NKTR: variants seen among roughly 807,000 people sequenced by gnomAD.
NKTR encodes natural killer cell triggering receptor.
A neutral mutation model predicts 156.3 loss-of-function variants in NKTR; 67 were observed. The ratio of observed to expected loss-of-function variants is 0.43; its 90% CI spans 0.35 to 0.53. NKTR has a LOEUF of 0.53. Among genes scored for constraint, NKTR ranks in the 20% least tolerant of loss-of-function variants. NKTR has a pLI of 0.01. For missense variants in NKTR, 1,604 were observed against 1,730.9 expected, an observed-to-expected ratio of 0.93 and a Z score of 1.30; for synonymous variants, 640 against 596.6, an observed-to-expected ratio of 1.07 and a Z score of -1.06.
chr3:42,638,147 A>G lies in NKTR; in HGVS notation c.2443A>G (p.Ser815Gly). The change falls in exon 13 of 17, where the codon AGT becomes GGT. Residue 815 changes from serine (S) to glycine (G), a missense_variant. Coordinates refer to ENST00000232978, the MANE Select transcript of NKTR (RefSeq NM_005385.4). The part of the protein sequence containing the change: ...LDYSSDSEQS[S>G]VQATQSAQEK... Reference sequence around the variant, plus strand: ...TTATTCTTCAGACAGTGAGCAGTCAAGTGTTCAGGCCACACAGTCAGCCCA... The same window carrying G: ...TTATTCTTCAGACAGTGAGCAGTCAGGTGTTCAGGCCACACAGTCAGCCCA... The G allele has an allele frequency of 6.2e-7, 1 of 1,613,740 alleles. No homozygotes were observed. Among genetic ancestry groups the G allele is most frequent in the Non-Finnish European group, 8.5e-7 (1 of 1,179,938 alleles).
chr3:42,628,595 G>T, intron 6 of NKTR: 4 of 985,448 alleles, frequency 4.1e-6, no homozygotes, highest in Non-Finnish European at 4.8e-6. Context: ...TGAGTCATGG[G>T]AGGAACGGAT....
At position 42,628,592 on chromosome 3, in the gene NKTR, T is replaced by C. The variant is rs570103198; in HGVS notation, c.375-1954T>C. The C allele has an allele frequency of 5.0e-3, 4,915 of 985,400 alleles. 12 individuals are homozygous for C. The highest frequency in any genetic ancestry group is 5.6e-3 in the Non-Finnish European group (4,686 of 829,886). 61.0% of individuals were successfully genotyped at this position (985,400 alleles called of 1,614,324 possible). On this transcript the variant is annotated intron_variant, in intron 6 of 16. Coordinates refer to ENST00000232978, the MANE Select transcript of NKTR (RefSeq NM_005385.4). ...CCAATACTGCAGGATCTGTGAGTCA[T>C]GGGAGGAACGGATCAAAGAAGGAGA... is the stretch of plus-strand genomic sequence containing the variant.
intron 5 of NKTR, chr3:42,620,959 G>A: frequency 1.1e-6 from 1 of 906,532 alleles, no homozygotes; most frequent in South Asian, 5.1e-5. Flanking sequence ...TAATTTTTTT[G>A]TCTTACAGTC....
At chr3:42,611,473 C>T (rs1009874156) in intron 2 of NKTR, among the ~76,000 whole-genome samples, 1 of 152,036 alleles carries the variant, frequency 6.6e-6, no homozygotes. Context: ...GGCATGGTGG[C>T]CTGTAATCCC....
chr3:42,628,145 T>C (rs1407626303), intron 6 of NKTR: 1 of 984,540 alleles, frequency 1.0e-6, no homozygotes, highest in Non-Finnish European at 1.2e-6. Flanking sequence ...ATTCTTAATA[T>C]GTAATCTAAT....
chr3:42,632,531 A>G (rs905948313), intron 8 of NKTR, 70 bp from the exon 9 acceptor site: 5 of 880,508 alleles, frequency 5.7e-6, no homozygotes, highest in African/African-American at 5.4e-5. Context: ...ATATTCAGTA[A>G]TCACATTTTT....
rs1410395221 is a variant in NKTR, at chr3:42,646,290, G to A, written c.*315G>A. 6 of 255,476 alleles carry A rather than the reference G, an allele frequency of 2.3e-5. No individual in the cohort carries two copies. Among genetic ancestry groups the A allele is most frequent in the South Asian group, 5.0e-5 (1 of 20,126 alleles). The allele number at this position is 255,476 out of a possible 1,614,324, so 15.8% of individuals were successfully genotyped here. On this transcript the variant is annotated 3_prime_UTR_variant, in exon 17 of 17. Coordinates refer to ENST00000232978, the MANE Select transcript of NKTR (RefSeq NM_005385.4). ...TTAAGTCTATTTCACTCTATCTTAC[G>A]TATCCCTTAGAATACAGATTCTTTT...
At position 42,645,986 on chromosome 3, in the gene NKTR, A is replaced by AT; in HGVS notation, c.*12dup. ...AGCAGATACAGTTGAAAACGTCCGG[A>AT]TACAAATTATATCTTATTTGTAAAT... On this transcript the variant is annotated 3_prime_UTR_variant, in exon 17 of 17. Coordinates refer to ENST00000232978, the MANE Select transcript of NKTR (RefSeq NM_005385.4). 6.3e-7 allele frequency: 1 copy of AT among 1,582,814 alleles called. No homozygotes were observed.
intron 8 of NKTR, 85 bp downstream of exon 8, chr3:42,631,401 A>G (rs1577531946): frequency 6.6e-7 from 1 of 1,503,832 alleles, no homozygotes; most frequent in Non-Finnish European, 9.0e-7. Flanking sequence ...TAGTGGAACT[A>G]GTGGTATAGC....
chr3:42,620,464 T>TA, intron 5 of NKTR: 3 of 989,536 alleles, frequency 3.0e-6, no homozygotes, highest in Non-Finnish European at 3.6e-6. Context: ...AATCTAATAT[T>TA]ACTAGGTTTT....
At chr3:42,632,569 G>T in intron 8 of NKTR, 32 bp from the exon 9 acceptor site, 1 of 1,367,096 alleles carries the variant, frequency 7.3e-7, no homozygotes, top group Non-Finnish European at 1.0e-6. Flanking sequence ...ACTGAATTTA[G>T]TACTAATGTT....
In NKTR at chr3:42,639,212, C is replaced by T. The variant is rs1416064261; in HGVS notation, c.3508C>T (p.His1170Tyr). The change falls in exon 13 of 17, where the codon CAT becomes TAT. Residue 1170 changes from histidine (H) to tyrosine (Y), a missense_variant. His to Tyr is a moderately conservative substitution (Grantham distance 83). Around this residue, in one of 6 missense-constraint regions of NKTR, gnomAD observed 1,255 missense variants for 1,243.7 expected, o/e 1.01. Coordinates refer to ENST00000232978, the MANE Select transcript of NKTR (RefSeq NM_005385.4). The part of the protein sequence containing the change: ...IVLKQDMATE[H>Y]PQAEVVKQES... ...TTTGAAGCAGGATATGGCAACGGAA[C>T]ATCCTCAAGCAGAGGTAGTAAAACA... 6.2e-7 allele frequency: 1 copy of T among 1,614,142 alleles called. No homozygotes were observed. The highest frequency in any genetic ancestry group is 1.7e-5 in the Admixed American group (1 of 60,022).
intron 16 of NKTR, among the ~76,000 whole-genome samples, chr3:42,645,544 C>T (rs778289137): frequency 4.6e-5 from 7 of 152,006 alleles, no homozygotes; most frequent in Middle Eastern, 3.2e-3. Context: ...ATTAGCTGGG[C>T]GTGGTGGCGG....
intron 13 of NKTR, among the ~76,000 whole-genome samples, chr3:42,640,499 T>C (rs1157621139): frequency 1.3e-5 from 2 of 152,238 alleles, no homozygotes; most frequent in Non-Finnish European, 2.9e-5. Context: ...CCTTATTTTA[T>C]TGTGCTTGAT....
At position 42,637,066 on chromosome 3, in the gene NKTR, AAAG is replaced by A. The variant is rs761997800; in HGVS notation, c.1367_1369del (p.Lys456del). The A allele has an allele frequency of 7.5e-5, 120 of 1,604,662 alleles. No individual in the cohort carries two copies. In the South Asian group the frequency reaches 1.2e-3, roughly 16 times the overall value. ...AACACTGCAGAAGACACAAACAAAC[AAAG>A]AAGAGAAGGATTCTTATACCGTCTG... On this transcript the variant is annotated inframe_deletion, in exon 13 of 17. Coordinates refer to ENST00000232978, the MANE Select transcript of NKTR (RefSeq NM_005385.4).
Position 42,638,499 on chromosome 3 carries a change from C to T in NKTR, c.2795C>T (p.Thr932Ile). Reference sequence around the variant, plus strand: ...GAAATTCACATCAAAGTCAAACCCACAACCAAGTCGTCCACAAATACTTCA... The same window carrying T: ...GAAATTCACATCAAAGTCAAACCCATAACCAAGTCGTCCACAAATACTTCA... The part of the protein sequence containing the change: ...VSEIHIKVKP[T>I]TKSSTNTSLP... Residue 932 changes from threonine to isoleucine, a missense_variant, in exon 13 of 17, where the codon ACA becomes ATA. Around this residue, in one of 6 missense-constraint regions of NKTR, gnomAD observed 1,255 missense variants for 1,243.7 expected, o/e 1.01. Transcript: ENST00000232978. 2 of 1,611,508 alleles carry T rather than the reference C, an allele frequency of 1.2e-6. No homozygotes were observed. Among genetic ancestry groups the T allele is most frequent in the Non-Finnish European group, 1.7e-6 (2 of 1,179,208 alleles).
intron 2 of NKTR, among the ~76,000 whole-genome samples, chr3:42,613,936 T>G (rs1386291145): frequency 1.3e-5 from 2 of 152,222 alleles, no homozygotes; most frequent in Non-Finnish European, 2.9e-5. Flanking sequence ...GATTTTAGTC[T>G]TATTATAGAG....
At chr3:42,605,415 T>C (rs1479211760) in intron 2 of NKTR, among the ~76,000 whole-genome samples, 1 of 152,208 alleles carries the variant, frequency 6.6e-6, no homozygotes, top group Non-Finnish European at 1.5e-5. Flanking sequence ...TTAGCAAACA[T>C]TGTAAAGTAT....
chr3:42,645,742 T>C (rs909553690), intron 16 of NKTR, 146 bp from the exon 17 acceptor site: 30 of 523,432 alleles, frequency 5.7e-5, no homozygotes, highest in African/African-American at 3.8e-4. Context: ...CTCTGTGTTA[T>C]GCTGCATCAA....
Sources: allele counts gnomAD v4.1 joint callset (sites outside exome capture counted in the v4.1 genomes callset), GRCh38; gene constraint gnomAD v4.1.1; regional missense constraint gnomAD v4.1.1; transcripts MANE v1.5; gene names NCBI Gene and HGNC (gene_info 2026-07-23, HGNC 2026-07-21).